The following ARFIP1 variants were observed in gnomAD, a reference collection of about 807,000 sequenced individuals.
ARFIP1 encodes the protein ARF interacting protein 1, also known as arfaptin-1.
In ARFIP1, 24 loss-of-function variants were observed where a neutral mutation model predicts 42.5. That is an observed-to-expected ratio of 0.57 (90% CI 0.41 to 0.80). ARFIP1 has a LOEUF of 0.80. ARFIP1 is among the 30% of genes least tolerant of loss of function. The pLI, the probability that ARFIP1 is intolerant of heterozygous loss-of-function variation, is 0.00. For synonymous variants in ARFIP1, 141 were observed against 153.7 expected, an observed-to-expected ratio of 0.92 and a Z score of 0.61; for missense variants, 354 against 434.0, an observed-to-expected ratio of 0.82 and a Z score of 1.64.
intron 1 of ARFIP1, among the ~76,000 whole-genome samples, chr4:152,812,199 G>A (rs1729524266): frequency 1.3e-5 from 2 of 152,118 alleles, no homozygotes; most frequent in East Asian, 1.9e-4. Flanking sequence ...TCTGCCTTTT[G>A]TTGTTGTTGT....
intron 2 of ARFIP1, among the ~76,000 whole-genome samples, chr4:152,844,552 C>T (rs1732385778): frequency 6.6e-6 from 1 of 152,030 alleles, no homozygotes; most frequent in Non-Finnish European, 1.5e-5. Context: ...AAAAGGAAAA[C>T]ATAGGTTGTC....
intron 8 of ARFIP1, among the ~76,000 whole-genome samples, chr4:152,888,717 GTC>G (rs939580063): frequency 6.6e-6 from 1 of 152,092 alleles, no homozygotes; most frequent in African/African-American, 2.4e-5. Context: ...TAGCTAAAAG[GTC>G]CAGCTTAGGG....
intron 1 of ARFIP1, among the ~76,000 whole-genome samples, chr4:152,797,371 G>A (rs1246857527): frequency 1.3e-5 from 2 of 152,042 alleles, no homozygotes; most frequent in Non-Finnish European, 1.5e-5. Flanking sequence ...ATGTTTTTTG[G>A]TGTTGTAGTG....
chr4:152,829,367 T>C (rs1357421664), intron 1 of ARFIP1, among the ~76,000 whole-genome samples: 1 of 152,192 alleles, frequency 6.6e-6, no homozygotes, highest in Non-Finnish European at 1.5e-5. Flanking sequence ...CATAACACTA[T>C]TTAAGAGGCA....
At chr4:152,874,161 C>T (rs1253190889) in intron 5 of ARFIP1, among the ~76,000 whole-genome samples, 1 of 151,996 alleles carries the variant, frequency 6.6e-6, no homozygotes, top group Admixed American at 6.6e-5. Flanking sequence ...ATCTGCTATT[C>T]TTGCATCTCT....
chr4:152,894,906 GAGAAAC>G (rs1396857218), intron 8 of ARFIP1, among the ~76,000 whole-genome samples: 1 of 152,198 alleles, frequency 6.6e-6, no homozygotes, highest in African/African-American at 2.4e-5. Context: ...TTGAGAAAGT[GAGAAAC>G]TGAGAACCAG....
At chr4:152,864,363 A>G (rs1393207938) in intron 3 of ARFIP1, among the ~76,000 whole-genome samples, 1 of 152,242 alleles carries the variant, frequency 6.6e-6, no homozygotes, top group Non-Finnish European at 1.5e-5. Context: ...GAGAATTCAC[A>G]GGACTTACAT....
intron 1 of ARFIP1, among the ~76,000 whole-genome samples, chr4:152,793,306 C>T (rs183923484): frequency 0.024 from 2,312 of 97,542 alleles, 60 homozygotes; most frequent in African/African-American, 0.072. Context: ...GAGCGAAACT[C>T]CGTCTCAAAA....
At chr4:152,804,046 TTA>T (rs1254281831) in intron 1 of ARFIP1, among the ~76,000 whole-genome samples, 1 of 128,718 alleles carries the variant, frequency 7.8e-6, no homozygotes, top group Non-Finnish European at 1.6e-5. Context: ...AATATATATA[TTA>T]TATATAATAT....
intron 1 of ARFIP1, among the ~76,000 whole-genome samples, chr4:152,783,165 C>T (rs1385217997): frequency 1.3e-5 from 2 of 151,956 alleles, no homozygotes; most frequent in Non-Finnish European, 2.9e-5. Flanking sequence ...AAAAATTAGC[C>T]GGGTGTGTGT....
Position 152,910,354 on chromosome 4 carries a change from T to C in ARFIP1, c.*135T>C, listed in dbSNP as rs1738747583. ...TTCTTGCACAAACAGCTTTAATTTT[T>C]CCCTTTTTCATACTTTAACAATTGA... is the stretch of plus-strand genomic sequence containing the variant. On this transcript the variant is annotated 3_prime_UTR_variant, in exon 9 of 9. Coordinates refer to ENST00000353617, the MANE Select transcript of ARFIP1 (RefSeq NM_001025595.3). 4.7e-6 allele frequency: 5 copies of C among 1,074,828 alleles called. No homozygotes were observed. The highest frequency in any genetic ancestry group is 1.6e-5 in the African/African-American group (1 of 62,380). The allele number at this position is 1,074,828 out of a possible 1,614,324, so 66.6% of individuals were successfully genotyped here.
chr4:152,828,957 C>G (rs1731052516), intron 1 of ARFIP1, among the ~76,000 whole-genome samples: 4 of 152,152 alleles, frequency 2.6e-5, no homozygotes, highest in Admixed American at 2.6e-4. Flanking sequence ...CACCATTATT[C>G]CAGCACCATT....
At chr4:152,789,326 G>A (rs1321409689) in intron 1 of ARFIP1, among the ~76,000 whole-genome samples, 1 of 151,942 alleles carries the variant, frequency 6.6e-6, no homozygotes, top group Non-Finnish European at 1.5e-5. Context: ...CTGACCTCAG[G>A]TGATCCACAC....
chr4:152,853,551 G>A (rs991098216), intron 2 of ARFIP1, among the ~76,000 whole-genome samples: 2 of 152,022 alleles, frequency 1.3e-5, no homozygotes, highest in African/African-American at 2.4e-5. Flanking sequence ...TCCTTTATAG[G>A]TGATTAGACA....
chr4:152,899,356 CT>C (rs1478418070), intron 8 of ARFIP1, among the ~76,000 whole-genome samples: 16 of 152,126 alleles, frequency 1.1e-4, no homozygotes, highest in Non-Finnish European at 1.5e-5. Context: ...CTCACTACCC[CT>C]AACTGTAACT....
intron 3 of ARFIP1, 119 bp from the exon 4 acceptor site, chr4:152,870,634 C>A: frequency 1.5e-6 from 1 of 685,908 alleles, no homozygotes; most frequent in Non-Finnish European, 2.5e-6. Context: ...TATATTAATT[C>A]CAACTTTTAA....
intron 1 of ARFIP1, among the ~76,000 whole-genome samples, chr4:152,811,504 A>T (rs575943580): frequency 0.02 from 3,037 of 152,316 alleles, 48 homozygotes; most frequent in Non-Finnish European, 0.032. Flanking sequence ...GAGCATTGTG[A>T]ACAATTTCAG....
chr4:152,865,743 A>C (rs1170041356), intron 3 of ARFIP1, among the ~76,000 whole-genome samples: 1 of 152,206 alleles, frequency 6.6e-6, no homozygotes, highest in Non-Finnish European at 1.5e-5. Flanking sequence ...TGAGTACCTA[A>C]AACTAAGAGT....
chr4:152,858,153 G>A (rs1432662801), intron 2 of ARFIP1, among the ~76,000 whole-genome samples: 4 of 152,210 alleles, frequency 2.6e-5, no homozygotes, highest in Admixed American at 6.5e-5. Flanking sequence ...TTAGCTGGGC[G>A]TGGTGGTGCA....
Sources: allele counts gnomAD v4.1 joint callset (sites outside exome capture counted in the v4.1 genomes callset), GRCh38; gene constraint gnomAD v4.1.1; transcripts MANE v1.5; gene names NCBI Gene and HGNC (gene_info 2026-07-23, HGNC 2026-07-21).